DLG2: variants seen among roughly 807,000 people sequenced by gnomAD.
DLG2 encodes the protein discs large MAGUK scaffold protein 2.
A neutral mutation model predicts 132.5 loss-of-function variants in DLG2; 45 were observed. That is an observed-to-expected ratio of 0.34 (90% confidence interval 0.27 to 0.44). DLG2 has a LOEUF of 0.44. Among genes scored for constraint, DLG2 ranks in the 20% least tolerant of loss-of-function variants. DLG2 has a pLI of 1.00. For missense variants in DLG2, 1,045 were observed against 1,196.9 expected (o/e 0.87, Z 1.87); for synonymous variants, 424 against 419.6 (o/e 1.01, Z -0.13).
chr11:84,632,704 A>G (rs2099634152), intron 6 of DLG2, among the ~76,000 whole-genome samples: 1 of 152,206 alleles, frequency 6.6e-6, no homozygotes, highest in African/African-American at 2.4e-5. Context: ...CCCTGAAGGT[A>G]AATGTTAAAA....
chr11:85,323,168 C>G (rs1481954516), intron 3 of DLG2, among the ~76,000 whole-genome samples: 2 of 152,168 alleles, frequency 1.3e-5, no homozygotes, highest in African/African-American at 4.8e-5. Flanking sequence ...CTCTCTCTTG[C>G]CTGTAGGCCT....
chr11:85,324,609 G>A (rs1179699255), intron 3 of DLG2, among the ~76,000 whole-genome samples: 1 of 152,162 alleles, frequency 6.6e-6, no homozygotes, highest in Non-Finnish European at 1.5e-5. Context: ...ATCTTTAGTA[G>A]TTTCTAACAT....
At chr11:83,896,787 G>T (rs1415045296) in intron 15 of DLG2, among the ~76,000 whole-genome samples, 2 of 152,260 alleles carry the variant, frequency 1.3e-5, no homozygotes, top group East Asian at 1.9e-4. Context: ...ACTGGGTAAA[G>T]TTACTAAGCA....
intron 3 of DLG2, among the ~76,000 whole-genome samples, chr11:85,540,499 T>G (rs2081445): frequency 2.6e-5 from 4 of 151,928 alleles, no homozygotes; most frequent in South Asian, 2.1e-4. Context: ...TCCATCCCCC[T>G]CTGGCCTCCC....
At chr11:84,503,053 T>C (rs2099226358) in intron 7 of DLG2, among the ~76,000 whole-genome samples, 1 of 152,154 alleles carries the variant, frequency 6.6e-6, no homozygotes, top group African/African-American at 2.4e-5. Flanking sequence ...ATTCTAAAAA[T>C]CTTCCTGGAA....
At chr11:84,096,373 G>A (rs974029281) in intron 10 of DLG2, among the ~76,000 whole-genome samples, 2 of 152,028 alleles carry the variant, frequency 1.3e-5, no homozygotes, top group Admixed American at 1.3e-4. Flanking sequence ...TTTCAACTAC[G>A]AATGAATGAA....
At chr11:85,421,942 T>C (rs771144083) in intron 3 of DLG2, among the ~76,000 whole-genome samples, 1 of 152,180 alleles carries the variant, frequency 6.6e-6, no homozygotes, top group African/African-American at 2.4e-5. Context: ...CCTTCATATA[T>C]AAAGCTTAGT....
chr11:84,766,543 G>A (rs995071220), intron 6 of DLG2, among the ~76,000 whole-genome samples: 28 of 152,104 alleles, frequency 1.8e-4, no homozygotes, highest in Admixed American at 1.6e-3. Context: ...GGCATAATGT[G>A]GAGAACATAA....
At chr11:84,599,513 T>C (rs2099570891) in intron 6 of DLG2, among the ~76,000 whole-genome samples, 1 of 152,198 alleles carries the variant, frequency 6.6e-6, no homozygotes, top group Non-Finnish European at 1.5e-5. Flanking sequence ...TAGGACTTAC[T>C]CTTTCTATTT....
At chr11:83,921,664 A>T (rs146441806) in intron 15 of DLG2, among the ~76,000 whole-genome samples, 6 of 152,092 alleles carry the variant, frequency 3.9e-5, no homozygotes, top group African/African-American at 1.4e-4. Context: ...GAATTTTCTC[A>T]TAGGTAGTTT....
chr11:84,258,845 C>T (rs1299666976), intron 7 of DLG2, among the ~76,000 whole-genome samples: 4 of 152,146 alleles, frequency 2.6e-5, no homozygotes, highest in South Asian at 2.1e-4. Flanking sequence ...AATTTATCAC[C>T]GTTCTGACTT....
chr11:84,408,026 A>G (rs543011226), intron 7 of DLG2, among the ~76,000 whole-genome samples: 1 of 152,222 alleles, frequency 6.6e-6, no homozygotes, highest in Non-Finnish European at 1.5e-5. Context: ...ACCTAGATGT[A>G]TGTGAAGAAC....
intron 3 of DLG2, among the ~76,000 whole-genome samples, chr11:85,357,187 C>T (rs1052824439): frequency 6.6e-6 from 1 of 150,758 alleles, no homozygotes; most frequent in African/African-American, 2.4e-5. Context: ...TGCATACCTC[C>T]AAAAAGATAA....
chr11:84,443,833 C>G (rs1318957836), intron 7 of DLG2, among the ~76,000 whole-genome samples: 1 of 151,894 alleles, frequency 6.6e-6, no homozygotes, highest in Non-Finnish European at 1.5e-5. Context: ...TCTGACTTGT[C>G]TTAGTTTTAT....
chr11:85,397,666 T>C (rs1208011385), intron 3 of DLG2, among the ~76,000 whole-genome samples: 5 of 151,718 alleles, frequency 3.3e-5, no homozygotes, highest in Non-Finnish European at 5.9e-5. Flanking sequence ...CCAACAAAGA[T>C]CAAAAGAGAC....
intron 9 of DLG2, among the ~76,000 whole-genome samples, chr11:84,104,776 G>T (rs1342618018): frequency 6.6e-6 from 1 of 151,874 alleles, no homozygotes; most frequent in Non-Finnish European, 1.5e-5. Context: ...ATAAGAAGGA[G>T]ATTTTAAAAA....
At chr11:84,803,032 C>T (rs1211027233) in intron 6 of DLG2, among the ~76,000 whole-genome samples, 2 of 152,156 alleles carry the variant, frequency 1.3e-5, no homozygotes, top group African/African-American at 4.8e-5. Flanking sequence ...TCTCCTGACC[C>T]TCGTGATCTG....
intron 3 of DLG2, among the ~76,000 whole-genome samples, chr11:85,480,666 T>C (rs1237794031): frequency 6.6e-6 from 1 of 152,172 alleles, no homozygotes; most frequent in East Asian, 1.9e-4. Flanking sequence ...TTCAATAATA[T>C]AAATTCTTAA....
At chr11:84,536,399 T>C (rs760454381) in intron 6 of DLG2, among the ~76,000 whole-genome samples, 13 of 152,090 alleles carry the variant, frequency 8.5e-5, no homozygotes, top group Non-Finnish European at 1.8e-4. Context: ...GAAAACTGAA[T>C]TGGCTGCTTA....
Sources: allele counts gnomAD v4.1 joint callset (sites outside exome capture counted in the v4.1 genomes callset), GRCh38; gene constraint gnomAD v4.1.1; transcripts MANE v1.5; gene names NCBI Gene and HGNC (gene_info 2026-07-23, HGNC 2026-07-21).